Variants in WAC observed in about 807,000 individuals in gnomAD.
WAC encodes WW domain-containing adapter protein with coiled-coil.
Under a neutral mutation model 79.6 loss-of-function variants are expected in WAC, and 11 were observed. The observed-to-expected ratio is 0.14, with a 90% CI of 0.09 to 0.23. The LOEUF (loss-of-function observed/expected upper bound fraction) is 0.23, where lower values mean the gene tolerates loss of function less well. Ranked by LOEUF, WAC falls within the 10% of genes least tolerant of loss-of-function variation. WAC has a pLI of 1.00. For missense variants in WAC, 728 were observed against 773.5 expected, an observed-to-expected ratio of 0.94 and a Z score of 0.70; for synonymous variants, 304 against 276.9, an observed-to-expected ratio of 1.10 and a Z score of -0.97.
chr10:28,558,368 C>T (rs1838113381), intron 3 of WAC, among the ~76,000 whole-genome samples: 2 of 152,134 alleles, frequency 1.3e-5, no homozygotes, highest in South Asian at 2.1e-4. Flanking sequence ...AATGCAGAAG[C>T]AGCGCAAAGA....
At chr10:28,610,844 T>C in intron 9 of WAC, 23 bp downstream of exon 9, 3 of 1,557,828 alleles carry the variant, frequency 1.9e-6, no homozygotes, top group Non-Finnish European at 1.7e-6. Flanking sequence ...ATCTTAGATA[T>C]CTCTAGAATG....
At chr10:28,576,679 T>G (rs192339905) in intron 3 of WAC, among the ~76,000 whole-genome samples, 136 of 152,316 alleles carry the variant, frequency 8.9e-4, no homozygotes, top group African/African-American at 3.2e-3. Flanking sequence ...AAGCAGCTTG[T>G]TTTCAGATGT....
At chr10:28,550,940 T>A (rs1837633686) in intron 3 of WAC, among the ~76,000 whole-genome samples, 1 of 152,254 alleles carries the variant, frequency 6.6e-6, no homozygotes, top group Non-Finnish European at 1.5e-5. Context: ...GTATGTGATT[T>A]GAATACTGAA....
intron 7 of WAC, among the ~76,000 whole-genome samples, chr10:28,607,639 A>C (rs1306901254): frequency 6.6e-6 from 1 of 152,216 alleles, no homozygotes; most frequent in Non-Finnish European, 1.5e-5. Flanking sequence ...AAACTCAGTT[A>C]TTAAGTATAA....
chr10:28,598,928 A>G (rs994230463), intron 7 of WAC, among the ~76,000 whole-genome samples: 2 of 152,222 alleles, frequency 1.3e-5, no homozygotes, highest in African/African-American at 2.4e-5. Context: ...GAAATTGTGC[A>G]GTCTTTCCAA....
intron 3 of WAC, among the ~76,000 whole-genome samples, chr10:28,551,813 TGTGTG>T (rs1837688437): frequency 1.3e-5 from 2 of 148,626 alleles, no homozygotes; most frequent in African/African-American, 2.5e-5. Flanking sequence ...TGTGTGTGTG[TGTGTG>T]TTTCTTTTTT....
intron 3 of WAC, among the ~76,000 whole-genome samples, chr10:28,558,422 C>T (rs565051780): frequency 1.3e-5 from 2 of 151,936 alleles, no homozygotes; most frequent in Non-Finnish European, 2.9e-5. Flanking sequence ...CTTATTTGGA[C>T]TAAGTGGGAA....
Position 28,614,599 on chromosome 10 carries a change from G to A in WAC, c.1470G>A (p.Val490=). 2 of 1,614,180 alleles carry A rather than the reference G, an allele frequency of 1.2e-6. No individual in the cohort carries two copies. Among genetic ancestry groups the A allele is most frequent in the Non-Finnish European group, 1.7e-6 (2 of 1,180,036 alleles). Residue 490 remains valine (V), a synonymous_variant, in exon 11 of 14, where the codon GTG becomes GTA. Transcript: ENST00000354911. ...CTCCAGTAGTTAAGCAAGGACCAGT[G>A]TCACAGTCAGCCACACAGCAGCCTG... ...VSTPVVKQGP[V]SQSATQQPVT... is the part of the protein sequence containing the mutation.
chr10:28,583,209 A>C (rs1288581046), intron 3 of WAC, among the ~76,000 whole-genome samples, 190 bp from the exon 4 acceptor site: 1 of 152,098 alleles, frequency 6.6e-6, no homozygotes, highest in Non-Finnish European at 1.5e-5. Context: ...ATAATATTTA[A>C]AGCCACATCT....
intron 8 of WAC, among the ~76,000 whole-genome samples, chr10:28,609,091 G>A (rs1330312583): frequency 6.6e-6 from 1 of 152,220 alleles, no homozygotes; most frequent in African/African-American, 2.4e-5. Flanking sequence ...TAAAAGCACT[G>A]CAAAATTTTC....
At chr10:28,563,547 CAAG>C (rs1046078019) in intron 3 of WAC, among the ~76,000 whole-genome samples, 2 of 151,894 alleles carry the variant, frequency 1.3e-5, no homozygotes, top group Non-Finnish European at 2.9e-5. Flanking sequence ...GATAGCAACA[CAAG>C]AGATTTAGTA....
At chr10:28,575,922 C>T (rs996862038) in intron 3 of WAC, among the ~76,000 whole-genome samples, 4 of 152,154 alleles carry the variant, frequency 2.6e-5, no homozygotes, top group African/African-American at 9.7e-5. Flanking sequence ...TGTACCTTTT[C>T]TATGTTTAGA....
intron 3 of WAC, among the ~76,000 whole-genome samples, chr10:28,554,968 C>T (rs1054453692): frequency 6.6e-6 from 1 of 152,190 alleles, no homozygotes; most frequent in Middle Eastern, 3.2e-3. Flanking sequence ...GGTTACTTAG[C>T]ATATCCGTTA....
rs562206871 is a variant in WAC at position 28,533,658 on chromosome 10, G to T, written c.41+38G>T. The T allele has an allele frequency of 5.3e-5, 84 of 1,570,538 alleles. No homozygotes were observed. The South Asian group carries it at 7.6e-4, about 14-fold the overall frequency. On this transcript the variant is annotated intron_variant, in intron 1 of 13. Transcript: ENST00000354911. ...TTCGTTTCGGGCCGGGCGGCGGCGGGGGGCGGCGGCGGGGGGGCTGTTCCT... is the reference window on the plus strand; with the variant it reads ...TTCGTTTCGGGCCGGGCGGCGGCGGTGGGCGGCGGCGGGGGGGCTGTTCCT...
chr10:28,617,584 T>G, intron 12 of WAC, 73 bp from the exon 13 acceptor site: 1 of 1,351,112 alleles, frequency 7.4e-7, no homozygotes, highest in Non-Finnish European at 9.8e-7. Context: ...AAAATTGTAC[T>G]CAGAAATTTA....
rs201903482 is a variant in WAC at position 28,616,341 on chromosome 10, T to C, written c.1725T>C (p.Pro575=). The C allele has an allele frequency of 1.8e-5, 29 of 1,610,428 alleles. No homozygotes were observed. Among genetic ancestry groups the C allele is most frequent in the Non-Finnish European group, 2.5e-5 (29 of 1,177,862 alleles). The change falls in exon 12 of 14, where the codon CCT becomes CCC. Residue 575 remains proline (P), a synonymous_variant. Transcript: ENST00000354911. The part of the protein sequence containing the change: ...ENLIKHVQGW[P]ADHAEKQASR... ...TCATAAAACACGTTCAAGGATGGCC[T>C]GCAGATCATGCAGAGAAGCAGGTAT...
upstream of WAC, chr10:28,532,863 G>T (rs780411873): frequency 6.5e-6 from 1 of 153,024 alleles, no homozygotes; most frequent in Non-Finnish European, 1.5e-5. Context: ...CCTGAGATCA[G>T]CCTCGAGCAG....
intron 3 of WAC, among the ~76,000 whole-genome samples, chr10:28,558,976 A>G (rs983843598): frequency 2.6e-5 from 4 of 152,206 alleles, no homozygotes; most frequent in Non-Finnish European, 1.5e-5. Context: ...ATTTGTTAAT[A>G]TAACAAATAG....
chr10:28,567,579 G>A (rs1188731760), intron 3 of WAC, among the ~76,000 whole-genome samples: 4 of 152,052 alleles, frequency 2.6e-5, no homozygotes, highest in African/African-American at 7.2e-5. Context: ...GTAGGGTGGC[G>A]CAGGGCTCCC....
Sources: allele counts gnomAD v4.1 joint callset (sites outside exome capture counted in the v4.1 genomes callset), GRCh38; gene constraint gnomAD v4.1.1; transcripts MANE v1.5; gene names NCBI Gene and HGNC (gene_info 2026-07-23, HGNC 2026-07-21).